Variants in LMBR1 observed in about 807,000 individuals in gnomAD.
The protein encoded by LMBR1 is limb region 1 protein homolog.
Under a neutral mutation model 73.9 loss-of-function variants are expected in LMBR1, and 52 were observed. The ratio of observed to expected loss-of-function variants is 0.70; its 90% CI spans 0.56 to 0.89. LMBR1 has a LOEUF of 0.89. LMBR1 is among the 40% of genes least tolerant of loss of function. The pLI is 0.00. For synonymous variants in LMBR1, 215 were observed against 209.4 expected, an observed-to-expected ratio of 1.03 and a Z score of -0.23; for missense variants, 539 against 579.8, an observed-to-expected ratio of 0.93 and a Z score of 0.72.
chr7:156,819,522 G>C (rs1201855088), intron 4 of LMBR1, among the ~76,000 whole-genome samples: 1 of 152,072 alleles, frequency 6.6e-6, no homozygotes, highest in Non-Finnish European at 1.5e-5. Flanking sequence ...GAAAGTACTA[G>C]AACAGATGCT....
At chr7:156,740,885 A>G (rs533142579) in intron 9 of LMBR1, among the ~76,000 whole-genome samples, 1 of 152,354 alleles carries the variant, frequency 6.6e-6, no homozygotes, top group East Asian at 1.9e-4. Flanking sequence ...TGTGTAAACT[A>G]CTCTTATCGT....
chr7:156,725,574 A>G, intron 13 of LMBR1, 49 bp from the exon 14 acceptor site: 1 of 1,384,238 alleles, frequency 7.2e-7, no homozygotes, highest in Non-Finnish European at 1.0e-6. Context: ...AAGTTTCCTA[A>G]GTTCTCGGCA....
intron 5 of LMBR1, among the ~76,000 whole-genome samples, chr7:156,778,459 G>A (rs888014398): frequency 6.6e-6 from 1 of 152,312 alleles, no homozygotes. Flanking sequence ...GTGATTAAAT[G>A]AGACAAAACC....
At chr7:156,751,962 A>G (rs949462921) in intron 9 of LMBR1, among the ~76,000 whole-genome samples, 5 of 152,252 alleles carry the variant, frequency 3.3e-5, no homozygotes, top group African/African-American at 1.2e-4. Context: ...CCATGAAACC[A>G]GATGAACTAA....
chr7:156,819,666 AG>A (rs1416387231), intron 4 of LMBR1, among the ~76,000 whole-genome samples: 5 of 152,214 alleles, frequency 3.3e-5, no homozygotes, highest in African/African-American at 2.4e-5. Flanking sequence ...GGAAATAACC[AG>A]ACCGTTCGTG....
chr7:156,847,306 C>A (rs778508002), intron 1 of LMBR1, among the ~76,000 whole-genome samples: 20 of 152,092 alleles, frequency 1.3e-4, no homozygotes, highest in Non-Finnish European at 2.6e-4. Flanking sequence ...TGATTACAAA[C>A]CTAAATGCAA....
chr7:156,706,814 C>T (rs1811031424), intron 15 of LMBR1, among the ~76,000 whole-genome samples: 1 of 150,570 alleles, frequency 6.6e-6, no homozygotes, highest in Non-Finnish European at 1.5e-5. Flanking sequence ...TGTCATACCT[C>T]AAGGAACTAC....
chr7:156,806,135 T>A (rs570221497), intron 4 of LMBR1, among the ~76,000 whole-genome samples: 2 of 152,112 alleles, frequency 1.3e-5, no homozygotes, highest in East Asian at 3.9e-4. Flanking sequence ...ACACAGTATC[T>A]GTCTCCACTT....
chr7:156,843,337 C>A (rs1360877269), intron 1 of LMBR1, among the ~76,000 whole-genome samples: 2 of 152,028 alleles, frequency 1.3e-5, no homozygotes, highest in Non-Finnish European at 2.9e-5. Flanking sequence ...AAGTGACTGG[C>A]CATGATACCA....
At chr7:156,831,482 A>C (rs1586094890) in intron 3 of LMBR1, among the ~76,000 whole-genome samples, 1 of 152,042 alleles carries the variant, frequency 6.6e-6, no homozygotes, top group African/African-American at 2.4e-5. Context: ...AGACAAAGAG[A>C]TCAATAAGGG....
intron 1 of LMBR1, among the ~76,000 whole-genome samples, chr7:156,837,994 GC>G (rs1055130971): frequency 3.9e-5 from 6 of 151,948 alleles, no homozygotes; most frequent in African/African-American, 1.4e-4. Flanking sequence ...TACCATGTTG[GC>G]CAGGCTGGTC....
chr7:156,708,823 C>A (rs560720970), intron 15 of LMBR1, among the ~76,000 whole-genome samples: 2 of 152,224 alleles, frequency 1.3e-5, no homozygotes, highest in African/African-American at 2.4e-5. Context: ...ACAAGGTCTG[C>A]GGCAGGGACT....
chr7:156,698,501 T>C (rs1808848895), intron 15 of LMBR1, among the ~76,000 whole-genome samples: 1 of 152,188 alleles, frequency 6.6e-6, no homozygotes, highest in Admixed American at 6.5e-5. Flanking sequence ...ATACATCTTC[T>C]GAAATCTAGG....
chr7:156,784,988 G>A (rs149951586), intron 5 of LMBR1, among the ~76,000 whole-genome samples: 7 of 152,066 alleles, frequency 4.6e-5, no homozygotes, highest in African/African-American at 1.4e-4. Flanking sequence ...AATTTTTCCC[G>A]GCACCAGAAA....
rs142071743 is a variant in LMBR1, at chr7:156,841,866, G to GT, written c.67-4982dup. ...AGAAAATGTGAAGGGATTGTGACGTGTTTTTTTAAAAAATGAAAAGCATTA... is the reference window on the plus strand; with the variant it reads ...AGAAAATGTGAAGGGATTGTGACGTGTTTTTTTTAAAAAATGAAAAGCATTA... On this transcript the variant is annotated intron_variant, in intron 1 of 16. Coordinates refer to ENST00000353442, the MANE Select transcript of LMBR1 (RefSeq NM_022458.4). Among the ~76,000 whole-genome samples the GT allele has an allele frequency of 5.2e-3, 792 of 152,224 alleles. 2 individuals carry two copies. Among genetic ancestry groups the GT allele is most frequent in the Non-Finnish European group, 9.5e-3 (649 of 68,014 alleles).
At chr7:156,791,529 C>T (rs1829227233) in intron 5 of LMBR1, among the ~76,000 whole-genome samples, 1 of 152,154 alleles carries the variant, frequency 6.6e-6, no homozygotes, top group Non-Finnish European at 1.5e-5. Flanking sequence ...AGGACAATTT[C>T]AAACTGTGAC....
At chr7:156,676,504 G>A (rs770700325), downstream of LMBR1, 26 of 1,613,904 alleles carry the variant, frequency 1.6e-5, no homozygotes, top group Admixed American at 1.3e-4. Flanking sequence ...GCAGGCAGGC[G>A]TTCCAGAGAG....
chr7:156,841,931 T>C (rs532682899), intron 1 of LMBR1, among the ~76,000 whole-genome samples: 138 of 151,670 alleles, frequency 9.1e-4, no homozygotes, highest in African/African-American at 2.7e-3. Flanking sequence ...AGAAAAATTA[T>C]TGATGCAAGA....
intron 9 of LMBR1, among the ~76,000 whole-genome samples, chr7:156,740,596 T>C (rs1368525878): frequency 6.6e-6 from 1 of 152,170 alleles, no homozygotes; most frequent in East Asian, 1.9e-4. Flanking sequence ...GCATGACATG[T>C]ATAAAGTGCT....
Sources: allele counts gnomAD v4.1 joint callset (sites outside exome capture counted in the v4.1 genomes callset), GRCh38; gene constraint gnomAD v4.1.1; transcripts MANE v1.5; gene names NCBI Gene and HGNC (gene_info 2026-07-23, HGNC 2026-07-21).